GLIS3: variants seen among roughly 807,000 people sequenced by gnomAD.
GLIS3 encodes GLIS family zinc finger 3.
Under a neutral mutation model 78.6 loss-of-function variants are expected in GLIS3, and 53 were observed. The observed-to-expected ratio is 0.67, with a 90% CI of 0.54 to 0.85. GLIS3 has a LOEUF of 0.85. Ranked by LOEUF, GLIS3 falls within the 40% of genes least tolerant of loss-of-function variation. GLIS3 has a pLI of 0.00. For missense variants in GLIS3, 1,703 were observed against 1,231.1 expected (o/e 1.38, Z -5.74); for synonymous variants, 684 against 509.9 (o/e 1.34, Z -4.60).
chr9:3,970,897 C>T (rs892200197), intron 4 of GLIS3, among the ~76,000 whole-genome samples: 3 of 151,242 alleles, frequency 2.0e-5, no homozygotes, highest in South Asian at 2.1e-4. Context: ...ATTTGCCCTG[C>T]TATATGACTT....
intron 2 of GLIS3, among the ~76,000 whole-genome samples, chr9:4,252,677 A>T (rs903229135): frequency 6.6e-6 from 1 of 152,072 alleles, no homozygotes; most frequent in African/African-American, 2.4e-5. Context: ...GATCCTTTGG[A>T]GGAGAAGAGG....
At chr9:4,468,438 T>C in the GLIS3 span, among the ~76,000 whole-genome samples, 4 of 152,208 alleles carry the variant, frequency 2.6e-5, no homozygotes, top group South Asian at 2.1e-4. Context: ...GCAGATCTCT[T>C]GGCAGAAACT....
chr9:4,248,320 G>C (rs1393662840), intron 2 of GLIS3, among the ~76,000 whole-genome samples: 7 of 151,908 alleles, frequency 4.6e-5, no homozygotes, highest in Non-Finnish European at 4.4e-5. Flanking sequence ...CTCCCACTTA[G>C]GAGTGACAAC....
At chr9:4,391,424 C>CT in the GLIS3 span, among the ~76,000 whole-genome samples, 1 of 152,062 alleles carries the variant, frequency 6.6e-6, no homozygotes, top group Non-Finnish European at 1.5e-5. Flanking sequence ...TAACAGTAGA[C>CT]TTTTTTTCTG....
At chr9:4,398,628 C>T in the GLIS3 span, among the ~76,000 whole-genome samples, 2 of 151,976 alleles carry the variant, frequency 1.3e-5, no homozygotes, top group Non-Finnish European at 2.9e-5. Context: ...ACCCTCTTCC[C>T]CTGGCCCCAA....
intron 4 of GLIS3, among the ~76,000 whole-genome samples, chr9:3,997,906 T>G (rs1055091643): frequency 2.6e-5 from 4 of 151,972 alleles, no homozygotes; most frequent in Non-Finnish European, 5.9e-5. Context: ...AAAAAAGCCA[T>G]AAAAATAAAT....
At chr9:3,921,598 C>T (rs1041971545) in intron 6 of GLIS3, among the ~76,000 whole-genome samples, 1 of 151,986 alleles carries the variant, frequency 6.6e-6, no homozygotes, top group Admixed American at 6.6e-5. Context: ...AAAACAGAAA[C>T]CTTTAGATGG....
At chr9:3,877,389 T>C (rs906410114) in intron 8 of GLIS3, among the ~76,000 whole-genome samples, 2 of 152,260 alleles carry the variant, frequency 1.3e-5, no homozygotes, top group African/African-American at 2.4e-5. Context: ...GCTAATGATT[T>C]GTTTACACTT....
intron 4 of GLIS3, 96 bp from the exon 5 acceptor site, chr9:3,937,285 G>C: frequency 8.1e-7 from 1 of 1,229,230 alleles, no homozygotes. Context: ...TTGGTACTTT[G>C]CCGAAAATGA....
chr9:4,128,612 C>T (rs1380302222), intron 2 of GLIS3, among the ~76,000 whole-genome samples: 1 of 152,016 alleles, frequency 6.6e-6, no homozygotes, highest in Non-Finnish European at 1.5e-5. Context: ...AAAGCAGAAA[C>T]AAAAAAACTC....
At chr9:4,127,477 G>T (rs1412027033) in intron 2 of GLIS3, among the ~76,000 whole-genome samples, 2 of 151,996 alleles carry the variant, frequency 1.3e-5, no homozygotes, top group Admixed American at 1.3e-4. Flanking sequence ...ATCAGTTATA[G>T]ATATTCTGTT....
rs546701906 is a variant in GLIS3, at chr9:4,208,838, T to C, written c.388+77200A>G. Among the ~76,000 whole-genome samples, 5 of 152,302 alleles carry C rather than the reference T, an allele frequency of 3.3e-5. No individual in the cohort carries two copies. In the South Asian group the frequency reaches 8.3e-4, roughly 25 times the overall value. On this transcript the variant is annotated intron_variant, in intron 2 of 10. Coordinates refer to ENST00000381971, the MANE Select transcript of GLIS3 (RefSeq NM_001042413.2). ...TTGGTGACACCAGTGACCAACACCT[T>C]GTGTGCCCTTCAGAGGAGGTGAATC...
chr9:4,280,716 T>C (rs968380026), intron 2 of GLIS3, among the ~76,000 whole-genome samples: 2 of 152,076 alleles, frequency 1.3e-5, no homozygotes, highest in Non-Finnish European at 2.9e-5. Flanking sequence ...GTTGTTCTTT[T>C]TCTCTTTTGC....
chr9:3,843,204 G>A (rs145281892), intron 9 of GLIS3, among the ~76,000 whole-genome samples: 88 of 152,222 alleles, frequency 5.8e-4, no homozygotes, highest in Non-Finnish European at 1.0e-3. Flanking sequence ...TACTAACTAG[G>A]TGATTTTTTG....
chr9:4,428,716 G>T, the GLIS3 span, among the ~76,000 whole-genome samples: 612 of 152,086 alleles, frequency 4.0e-3, 3 homozygotes, highest in Non-Finnish European at 7.4e-3. Context: ...GTCATTCAAA[G>T]CCCTAGGAAT....
At chr9:3,929,403 T>G (rs1825474294) in intron 6 of GLIS3, among the ~76,000 whole-genome samples, 1 of 152,170 alleles carries the variant, frequency 6.6e-6, no homozygotes. Flanking sequence ...TTTCAGGTTT[T>G]TCTTGGTTTT....
the GLIS3 span, among the ~76,000 whole-genome samples, chr9:4,363,840 G>A: frequency 6.5e-4 from 99 of 152,320 alleles, 1 homozygote; most frequent in African/African-American, 2.3e-3. Context: ...CACAAGAGCT[G>A]GATGGCTGTT....
intron 2 of GLIS3, among the ~76,000 whole-genome samples, chr9:4,162,314 C>G (rs1835546420): frequency 6.6e-6 from 1 of 152,080 alleles, no homozygotes; most frequent in African/African-American, 2.4e-5. Flanking sequence ...GCTCTATCTC[C>G]AGAAAAACAA....
chr9:3,912,923 G>T (rs1209825241), intron 6 of GLIS3, among the ~76,000 whole-genome samples: 1 of 152,178 alleles, frequency 6.6e-6, no homozygotes, highest in Non-Finnish European at 1.5e-5. Flanking sequence ...AAATTCCTCT[G>T]ACACTGGTTC....
Sources: allele counts gnomAD v4.1 joint callset (sites outside exome capture counted in the v4.1 genomes callset), GRCh38; gene constraint gnomAD v4.1.1; transcripts MANE v1.5; gene names NCBI Gene and HGNC (gene_info 2026-07-23, HGNC 2026-07-21).